The following CACNB2 variants were observed in gnomAD, a reference collection of about 807,000 sequenced individuals.
CACNB2 encodes voltage-dependent L-type calcium channel subunit beta-2.
A neutral mutation model predicts 73.3 loss-of-function variants in CACNB2; 42 were observed. The observed-to-expected ratio is 0.57, with a 90% CI of 0.45 to 0.74. The LOEUF (loss-of-function observed/expected upper bound fraction) is 0.74, where lower values mean the gene tolerates loss of function less well. Ranked by LOEUF, CACNB2 falls within the 30% of genes least tolerant of loss-of-function variation. The probability of loss-of-function intolerance (pLI) is 0.00; values close to 1 mark genes in which losing one functional copy is unlikely to be tolerated. For missense variants in CACNB2, 940 were observed against 853.0 expected (o/e 1.10, Z -1.27); for synonymous variants, 348 against 310.3 (o/e 1.12, Z -1.28).
chr10:18,432,690 G>A (rs989952540), intron 3 of CACNB2, among the ~76,000 whole-genome samples: 8 of 151,964 alleles, frequency 5.3e-5, no homozygotes, highest in Non-Finnish European at 1.0e-4. Context: ...ACAAAAACTA[G>A]CCCAGCATGG....
chr10:18,294,217 G>C (rs904327888), intron 2 of CACNB2, among the ~76,000 whole-genome samples: 1 of 152,204 alleles, frequency 6.6e-6, no homozygotes, highest in Non-Finnish European at 1.5e-5. Flanking sequence ...GCAAGCCCCA[G>C]AGTGGACCAC....
At chr10:18,447,068 A>T (rs55793979) in intron 3 of CACNB2, among the ~76,000 whole-genome samples, 8,838 of 152,102 alleles carry the variant, frequency 0.058, 760 homozygotes, top group African/African-American at 0.19. Context: ...TCAAAAAAAA[A>T]AAATAAATAA....
chr10:18,291,145 C>G (rs983635543), intron 2 of CACNB2, among the ~76,000 whole-genome samples: 2 of 152,236 alleles, frequency 1.3e-5, no homozygotes, highest in Admixed American at 6.5e-5. Context: ...CTTACAGGTA[C>G]TCATTGTACC....
chr10:18,522,551 A>G (rs1301249930), intron 9 of CACNB2, among the ~76,000 whole-genome samples: 3 of 152,134 alleles, frequency 2.0e-5, no homozygotes, highest in Admixed American at 6.5e-5. Flanking sequence ...AAGGGTAGGA[A>G]GGAAAGTTTT....
rs10828271 is a variant in CACNB2 at position 18,151,037 on chromosome 10, T to C, written c.213+62T>C. 3.6e-3 allele frequency: 3,688 copies of C among 1,036,326 alleles called. 16 individuals are homozygous for C. The highest frequency in any genetic ancestry group is 4.3e-3 in the Non-Finnish European group (2,840 of 654,540). 64.2% of individuals were successfully genotyped at this position (1,036,326 alleles called of 1,614,324 possible). On this transcript the variant is annotated intron_variant, in intron 2 of 13. Transcript: ENST00000324631. ...TAAAATGACTTTAGATTTTTAAAGG[T>C]GGGTTTCACTCTTTTCCTTAAGATT... is the stretch of plus-strand genomic sequence containing the variant.
intron 2 of CACNB2, chr10:18,262,095 A>G: frequency 2.0e-6 from 1 of 503,326 alleles, no homozygotes; most frequent in Non-Finnish European, 4.0e-6. Context: ...CAGGCTGGGC[A>G]AACTGCAGTG....
intron 2 of CACNB2, among the ~76,000 whole-genome samples, chr10:18,328,917 T>C (rs1589053409): frequency 6.6e-6 from 1 of 152,256 alleles, no homozygotes; most frequent in East Asian, 1.9e-4. Flanking sequence ...TGGGGGTATA[T>C]CCAGTTTTTC....
At chr10:18,465,559 A>G (rs2047831991) in intron 3 of CACNB2, among the ~76,000 whole-genome samples, 1 of 151,978 alleles carries the variant, frequency 6.6e-6, no homozygotes, top group South Asian at 2.1e-4. Context: ...TCTCCATAGC[A>G]TTACCCTACC....
intron 2 of CACNB2, among the ~76,000 whole-genome samples, chr10:18,269,815 A>C (rs949772790): frequency 1.3e-5 from 2 of 152,202 alleles, no homozygotes; most frequent in Admixed American, 6.5e-5. Flanking sequence ...TTTACTGGTT[A>C]GATTAAATGA....
intron 2 of CACNB2, among the ~76,000 whole-genome samples, chr10:18,220,113 A>T (rs7086881): frequency 1.2e-3 from 21 of 17,852 alleles, no homozygotes; most frequent in South Asian, 8.5e-3. Flanking sequence ...ATTTTTTAAT[A>T]TATATATATA....
At chr10:18,309,783 G>T (rs992393339) in intron 2 of CACNB2, among the ~76,000 whole-genome samples, 11 of 152,078 alleles carry the variant, frequency 7.2e-5, no homozygotes, top group African/African-American at 1.9e-4. Flanking sequence ...TATTTGATCT[G>T]GTGTATTTCT....
chr10:18,228,450 G>GAAAAA (rs1275938431), intron 2 of CACNB2, among the ~76,000 whole-genome samples: 1 of 68,994 alleles, frequency 1.4e-5, no homozygotes, highest in African/African-American at 5.6e-5. Context: ...AAAAAAAAAA[G>GAAAAA]AAAAAAAAAA....
chr10:18,441,440 G>A (rs1280192139), intron 3 of CACNB2, among the ~76,000 whole-genome samples: 1 of 151,986 alleles, frequency 6.6e-6, no homozygotes, highest in African/African-American at 2.4e-5. Context: ...TGAACTATAC[G>A]GCTTCCTTGA....
intron 3 of CACNB2, among the ~76,000 whole-genome samples, chr10:18,467,739 C>T (rs1447457148): frequency 1.3e-5 from 2 of 152,192 alleles, no homozygotes; most frequent in Non-Finnish European, 2.9e-5. Context: ...GGGAACTTTG[C>T]TGCCAACTTG....
chr10:18,433,532 T>G (rs1011165462), intron 3 of CACNB2, among the ~76,000 whole-genome samples: 2 of 152,158 alleles, frequency 1.3e-5, no homozygotes, highest in African/African-American at 4.8e-5. Flanking sequence ...TTGCCTTGGT[T>G]TATTATAGAG....
intron 2 of CACNB2, among the ~76,000 whole-genome samples, chr10:18,370,182 C>A (rs960955563): frequency 3.9e-5 from 6 of 152,228 alleles, no homozygotes; most frequent in Non-Finnish European, 8.8e-5. Flanking sequence ...ATTTAAATAG[C>A]CACACTTGTG....
At chr10:18,418,211 A>T (rs1035722038) in intron 3 of CACNB2, among the ~76,000 whole-genome samples, 2 of 152,140 alleles carry the variant, frequency 1.3e-5, no homozygotes, top group African/African-American at 4.8e-5. Context: ...AGGAGTTGGG[A>T]CTACAGGCGC....
intron 2 of CACNB2, among the ~76,000 whole-genome samples, chr10:18,263,438 C>T (rs1172650125): frequency 3.3e-5 from 5 of 152,076 alleles, no homozygotes; most frequent in African/African-American, 7.2e-5. Context: ...TCTGGTAATA[C>T]TGGAACTAAA....
At chr10:18,311,483 G>A (rs2131889203) in intron 2 of CACNB2, among the ~76,000 whole-genome samples, 1 of 152,178 alleles carries the variant, frequency 6.6e-6, no homozygotes, top group Non-Finnish European at 1.5e-5. Context: ...ACTACTAATA[G>A]CCTACTGTTG....
Sources: allele counts gnomAD v4.1 joint callset (sites outside exome capture counted in the v4.1 genomes callset), GRCh38; gene constraint gnomAD v4.1.1; transcripts MANE v1.5; gene names NCBI Gene and HGNC (gene_info 2026-07-23, HGNC 2026-07-21).